TNPO3: variants seen among roughly 807,000 people sequenced by gnomAD.
TNPO3 encodes transportin-3.
TNPO3 carries 65 observed loss-of-function variants against 122.8 expected under a neutral mutation model. The ratio of observed to expected loss-of-function variants is 0.53; its 90% confidence interval spans 0.43 to 0.65. The LOEUF (loss-of-function observed/expected upper bound fraction) is 0.65. TNPO3 is among the 30% of genes least tolerant of loss of function. TNPO3 has a pLI of 0.00. For synonymous variants in TNPO3, 372 were observed against 411.2 expected (o/e 0.90, Z 1.15); for missense variants, 850 against 1,136.7 (o/e 0.75, Z 3.63).
intron 1 of TNPO3, chr7:129,041,732 C>T (rs1352740464): frequency 1.0e-6 from 1 of 985,374 alleles, no homozygotes; most frequent in Non-Finnish European, 1.2e-6. Context: ...AACAAGAGAA[C>T]ATTTTCCATT....
At chr7:129,009,039 G>C (rs552270499) in intron 4 of TNPO3, among the ~76,000 whole-genome samples, 1 of 152,250 alleles carries the variant, frequency 6.6e-6, no homozygotes, top group East Asian at 1.9e-4. Flanking sequence ...TCCTCTTTGA[G>C]AGCTATGCTA....
At chr7:129,037,039 C>A (rs562960565) in intron 1 of TNPO3, among the ~76,000 whole-genome samples, 1 of 152,154 alleles carries the variant, frequency 6.6e-6, no homozygotes, top group East Asian at 1.9e-4. Flanking sequence ...TAATTGAAAT[C>A]CTAGCAGGAA....
chr7:129,000,661 C>T, intron 6 of TNPO3, 94 bp from the exon 7 acceptor site: 1 of 1,258,924 alleles, frequency 7.9e-7, no homozygotes, highest in Non-Finnish European at 1.1e-6. Flanking sequence ...AAAGGTTCCT[C>T]AGTCTAAGGG....
chr7:129,032,306 T>C (rs1806044614), intron 1 of TNPO3, among the ~76,000 whole-genome samples: 1 of 152,204 alleles, frequency 6.6e-6, no homozygotes, highest in Non-Finnish European at 1.5e-5. Flanking sequence ...AAGACTAGGA[T>C]ATCTACTGTT....
intron 1 of TNPO3, among the ~76,000 whole-genome samples, chr7:129,033,827 C>G (rs1409532443): frequency 6.6e-6 from 1 of 150,596 alleles, no homozygotes; most frequent in African/African-American, 2.4e-5. Context: ...GCATGAGAAT[C>G]ACTTGAACTC....
chr7:128,996,419 T>C (rs921773917), intron 8 of TNPO3, among the ~76,000 whole-genome samples: 1 of 152,176 alleles, frequency 6.6e-6, no homozygotes, highest in Non-Finnish European at 1.5e-5. Flanking sequence ...TTAGTTTTCA[T>C]CTAACCACTT....
rs551622446 is a variant in TNPO3 at position 129,050,022 on chromosome 7, G to A, written c.120+4629C>T. ...GAGGATTGCCTGAGACCAAGAGTTC[G>A]GGTCCAACCTGGGCAATATAGCGAG... On this transcript the variant is annotated intron_variant, in intron 1 of 22. Coordinates refer to ENST00000265388, the MANE Select transcript of TNPO3 (RefSeq NM_012470.4). 1.5e-4 allele frequency among the ~76,000 whole-genome samples: 23 copies of A among 152,138 alleles called. No homozygotes were observed. In the South Asian group the frequency reaches 4.4e-3, roughly 29 times the overall value.
At chr7:129,001,458 T>C (rs931065647) in intron 5 of TNPO3, among the ~76,000 whole-genome samples, 3 of 152,226 alleles carry the variant, frequency 2.0e-5, no homozygotes, top group Admixed American at 6.5e-5. Context: ...ACAGGTGATT[T>C]AGAGTATATG....
chr7:129,019,548 T>C (rs1804226155), intron 1 of TNPO3, among the ~76,000 whole-genome samples: 1 of 152,182 alleles, frequency 6.6e-6, no homozygotes, highest in South Asian at 2.1e-4. Flanking sequence ...ACAGATTTAC[T>C]GACATAAAAC....
chr7:128,961,005 C>T (rs1451503706), intron 21 of TNPO3, among the ~76,000 whole-genome samples: 1 of 152,204 alleles, frequency 6.6e-6, no homozygotes. Context: ...AAGTGATCTG[C>T]CTGCCTCGGC....
chr7:128,979,086 C>T lies in TNPO3; in HGVS notation c.1958G>A (p.Arg653Gln), dbSNP rs766916784. 2.1e-5 allele frequency: 34 copies of T among 1,614,038 alleles called. No homozygotes were observed. The highest frequency in any genetic ancestry group is 2.7e-5 in the Non-Finnish European group (32 of 1,180,020). The change falls in exon 16 of 23, where the codon CGA becomes CAA. Residue 653 changes from arginine to glutamine, a missense_variant. Arg to Gln is a conservative substitution (Grantham distance 43). Transcript: ENST00000265388. ...ACGCTCTACAATCCGATTATCAGCT[C>T]GGTGCTTATTTAGAGTCTCGGATAA... ...PVLSETLNKH[R>Q]ADNRIVERCC... is the part of the protein sequence containing the mutation.
At chr7:129,034,939 C>T (rs1047506128) in intron 1 of TNPO3, among the ~76,000 whole-genome samples, 1 of 145,434 alleles carries the variant, frequency 6.9e-6, no homozygotes, top group African/African-American at 2.5e-5. Context: ...AAAAGAAAAT[C>T]ATCTCAGGAA....
At chr7:128,967,112 A>G (rs1797996465) in intron 21 of TNPO3, among the ~76,000 whole-genome samples, 168 bp downstream of exon 21, 2 of 152,252 alleles carry the variant, frequency 1.3e-5, no homozygotes, top group African/African-American at 4.8e-5. Flanking sequence ...ATGTACATAC[A>G]TACACAGCAT....
At chr7:128,973,305 A>C (rs1408086871) in intron 18 of TNPO3, among the ~76,000 whole-genome samples, 1 of 152,198 alleles carries the variant, frequency 6.6e-6, no homozygotes, top group Non-Finnish European at 1.5e-5. Flanking sequence ...CCTTTAAACT[A>C]CTATCAGGTT....
chr7:128,989,734 C>T (rs554869566), intron 11 of TNPO3, among the ~76,000 whole-genome samples: 4 of 152,196 alleles, frequency 2.6e-5, no homozygotes, highest in Non-Finnish European at 2.9e-5. Flanking sequence ...AAATTGTTCA[C>T]TGTTTCCCTA....
intron 15 of TNPO3, among the ~76,000 whole-genome samples, chr7:128,979,376 A>G (rs1799407572): frequency 6.6e-6 from 1 of 152,192 alleles, no homozygotes; most frequent in South Asian, 2.1e-4. Context: ...GAGATACACA[A>G]TTTCCTAAAC....
intron 4 of TNPO3, among the ~76,000 whole-genome samples, chr7:129,010,709 T>C (rs1266366706): frequency 1.3e-5 from 2 of 152,134 alleles, no homozygotes; most frequent in Non-Finnish European, 2.9e-5. Context: ...TACTAAGACA[T>C]AGCATCAAGT....
At chr7:129,007,426 C>T (rs1802697820) in intron 4 of TNPO3, among the ~76,000 whole-genome samples, 1 of 152,184 alleles carries the variant, frequency 6.6e-6, no homozygotes, top group African/African-American at 2.4e-5. Flanking sequence ...ATCTATCTTA[C>T]TAATATTATA....
intron 8 of TNPO3, 42 bp from the exon 9 acceptor site, chr7:128,993,956 C>A (rs767154207): frequency 3.2e-6 from 5 of 1,548,100 alleles, no homozygotes; most frequent in Non-Finnish European, 4.4e-6. Flanking sequence ...AAACTCACTG[C>A]GGCTTTCAAT....
Sources: gnomAD v4.1 joint callset for allele counts (sites outside exome capture counted in the v4.1 genomes callset) on GRCh38, gnomAD v4.1.1 for gene constraint, MANE v1.5 for transcripts, NCBI Gene and HGNC (gene_info 2026-07-23, HGNC 2026-07-21) for gene names.